The following COPS3 variants were observed in gnomAD, a reference collection of about 807,000 sequenced individuals.
COPS3 encodes COP9 signalosome subunit 3, also known as COP9 signalosome complex subunit 3.
Under a neutral mutation model 58.2 loss-of-function variants are expected in COPS3, and 10 were observed. That is an observed-to-expected ratio of 0.17 (90% CI 0.11 to 0.29). COPS3 has a LOEUF of 0.29. Among genes scored for constraint, COPS3 ranks in the 10% least tolerant of loss-of-function variants. COPS3 has a pLI of 1.00. For missense variants in COPS3, 333 were observed against 510.1 expected (o/e 0.65, Z 3.34); for synonymous variants, 187 against 181.7 (o/e 1.03, Z -0.24).
chr17:17,258,214 G>A (rs1003730484), intron 8 of COPS3, among the ~76,000 whole-genome samples: 4 of 152,130 alleles, frequency 2.6e-5, no homozygotes, highest in Non-Finnish European at 5.9e-5. Context: ...GTCAACATAC[G>A]AAGGACCCAG....
At chr17:17,274,445 C>CA (rs2048417645) in intron 2 of COPS3, among the ~76,000 whole-genome samples, 2 of 43,110 alleles carry the variant, frequency 4.6e-5, no homozygotes, top group Admixed American at 2.3e-4. Flanking sequence ...TTTTTTGAGA[C>CA]AGAGTCTCAC....
rs779284568 is a variant in COPS3, at chr17:17,262,103, T to C, written c.625A>G (p.Ile209Val). 6 of 1,608,540 alleles carry C rather than the reference T, an allele frequency of 3.7e-6. No individual in the cohort carries two copies. Among genetic ancestry groups the C allele is most frequent in the Admixed American group, 3.5e-5 (2 of 57,738 alleles). The change falls in exon 7 of 12, where the codon ATA becomes GTA. Residue 209 changes from isoleucine to valine, a missense_variant. Coordinates refer to ENST00000268717, the MANE Select transcript of COPS3 (RefSeq NM_003653.4). ...ERALYFYEQA[I>V]TTPAMAVSHI... ...CTGACCGCCATGGCAGGAGTAGTTA[T>C]AGCCTAGGCAAGAGAAGAATGCTTG...
chr17:17,264,411 G>T (rs2048176955), intron 6 of COPS3, among the ~76,000 whole-genome samples: 1 of 152,148 alleles, frequency 6.6e-6, no homozygotes, highest in Non-Finnish European at 1.5e-5. Flanking sequence ...TGAATCAAGA[G>T]AATGTTTCAC....
intron 6 of COPS3, among the ~76,000 whole-genome samples, chr17:17,264,052 C>T (rs947355266): frequency 6.6e-6 from 1 of 152,166 alleles, no homozygotes; most frequent in Admixed American, 6.5e-5. Flanking sequence ...TCCTCAGGTC[C>T]CCTCAACAGG....
chr17:17,281,233 A>G lies in COPS3; in HGVS notation c.-47T>C. 6.9e-6 allele frequency: 11 copies of G among 1,585,210 alleles called. No individual in the cohort carries two copies. Among genetic ancestry groups the G allele is most frequent in the Non-Finnish European group, 9.4e-6 (11 of 1,164,486 alleles). On this transcript the variant is annotated 5_prime_UTR_variant, in exon 1 of 12. Transcript: ENST00000268717. ...GCGGCGAAGGCAGCACGCGCGGGAAAAGGCTGCCGCTCTGGGAGGAGGGGC... is the reference window on the plus strand; with the variant it reads ...GCGGCGAAGGCAGCACGCGCGGGAAGAGGCTGCCGCTCTGGGAGGAGGGGC...
At chr17:17,275,088 C>A (rs974035311) in intron 2 of COPS3, among the ~76,000 whole-genome samples, 1 of 134,446 alleles carries the variant, frequency 7.4e-6, no homozygotes, top group Non-Finnish European at 1.6e-5. Context: ...GGAAAAGCAA[C>A]AACTGATTTT....
chr17:17,276,331 T>C, intron 1 of COPS3, 167 bp from the exon 2 acceptor site: 1 of 773,436 alleles, frequency 1.3e-6, no homozygotes, highest in Non-Finnish European at 2.0e-6. Flanking sequence ...AAACAACCTG[T>C]CCGTGGTCTC....
At chr17:17,262,150 G>A in intron 6 of COPS3, 44 bp from the exon 7 acceptor site, 1 of 1,554,138 alleles carries the variant, frequency 6.4e-7, no homozygotes. Flanking sequence ...ACATACCACA[G>A]TAGCAAACAA....
Position 17,247,556 on chromosome 17 carries a change from A to T in COPS3, c.1142T>A (p.Leu381Gln). ...CCGCTCATCCAGCTCAATGCACTTC[A>T]GCATCTGCATGACAGGCACATTAGA... ...AMLHNIDQEMLKCIELDERLK... is the reference protein window; with the variant it reads ...AMLHNIDQEMQKCIELDERLK... Residue 381 changes from leucine to glutamine, a missense_variant, in exon 11 of 12, where the codon CTG (leucine) becomes CAG (glutamine). Leu to Gln is a moderately radical substitution (Grantham distance 113). Transcript: ENST00000268717. 6.2e-7 allele frequency: 1 copy of T among 1,614,168 alleles called. No homozygotes were observed. Among genetic ancestry groups the T allele is most frequent in the Non-Finnish European group, 8.5e-7 (1 of 1,180,020 alleles).
chr17:17,268,773 C>T (rs1399496649), intron 4 of COPS3, among the ~76,000 whole-genome samples: 2 of 151,392 alleles, frequency 1.3e-5, no homozygotes, highest in Admixed American at 6.6e-5. Flanking sequence ...GAGCTGAGAT[C>T]GCGCCACTGC....
rs545247129 is a variant in COPS3 at position 17,251,838 on chromosome 17, C to T, written c.1024-2799G>A. ...CGGTGGCTCATGCCTGTAATCCCAGCACTTTGGGAGGCCGAGGTCAGGAGA... is the reference window on the plus strand; with the variant it reads ...CGGTGGCTCATGCCTGTAATCCCAGTACTTTGGGAGGCCGAGGTCAGGAGA... On this transcript the variant is annotated intron_variant, in intron 9 of 11. Transcript: ENST00000268717. Among the ~76,000 whole-genome samples, 4 of 151,900 alleles carry T rather than the reference C, an allele frequency of 2.6e-5. No homozygotes were observed. The East Asian group carries it at 7.8e-4, about 30-fold the overall frequency.
intron 2 of COPS3, among the ~76,000 whole-genome samples, chr17:17,273,392 G>A (rs2145252053): frequency 6.6e-6 from 1 of 152,310 alleles, no homozygotes; most frequent in Non-Finnish European, 1.5e-5. Context: ...CACCACTGCA[G>A]ATAGTTCTAT....
chr17:17,262,872 T>C (rs2048132694), intron 6 of COPS3, among the ~76,000 whole-genome samples: 1 of 151,926 alleles, frequency 6.6e-6, no homozygotes, highest in Admixed American at 6.6e-5. Flanking sequence ...CTAGGATTAC[T>C]GGCATGAGCC....
At chr17:17,263,504 CCTTTT>C (rs1389738242) in intron 6 of COPS3, among the ~76,000 whole-genome samples, 2 of 104,520 alleles carry the variant, frequency 1.9e-5, no homozygotes, top group Non-Finnish European at 3.9e-5. Flanking sequence ...CAGCCTCTTG[CCTTTT>C]CTTTTTTTTT....
At chr17:17,274,080 G>A (rs1379572961) in intron 2 of COPS3, among the ~76,000 whole-genome samples, 1 of 152,216 alleles carries the variant, frequency 6.6e-6, no homozygotes, top group Non-Finnish European at 1.5e-5. Context: ...TATATCAGGT[G>A]AGTAATGGAC....
At chr17:17,257,122 G>A (rs900666289) in intron 8 of COPS3, among the ~76,000 whole-genome samples, 2 of 152,094 alleles carry the variant, frequency 1.3e-5, no homozygotes, top group Non-Finnish European at 2.9e-5. Context: ...TTAGCACTTT[G>A]GGAGGCCAAA....
intron 1 of COPS3, chr17:17,280,816 G>A (rs974153426): frequency 1.1e-5 from 14 of 1,252,516 alleles, no homozygotes; most frequent in East Asian, 3.4e-5. Context: ...AGTCGCCCGA[G>A]ATGGCTCCTG....
chr17:17,274,186 G>C (rs2048410759), intron 2 of COPS3, among the ~76,000 whole-genome samples: 1 of 152,142 alleles, frequency 6.6e-6, no homozygotes, highest in Non-Finnish European at 1.5e-5. Context: ...CCCTGGTTTT[G>C]AATCTACATA....
intron 5 of COPS3, 115 bp from the exon 6 acceptor site, chr17:17,265,096 T>C: frequency 1.1e-6 from 1 of 893,980 alleles, no homozygotes; most frequent in East Asian, 2.5e-5. Context: ...TGTTTTACAT[T>C]TTATTGACTA....
Sources: allele counts gnomAD v4.1 joint callset (sites outside exome capture counted in the v4.1 genomes callset), GRCh38; gene constraint gnomAD v4.1.1; transcripts MANE v1.5; gene names NCBI Gene and HGNC (gene_info 2026-07-23, HGNC 2026-07-21).